MCF2L: variants seen among roughly 807,000 people sequenced by gnomAD.
The protein encoded by MCF2L is guanine nucleotide exchange factor DBS.
A neutral mutation model predicts 153.4 loss-of-function variants in MCF2L; 97 were observed. That is an observed-to-expected ratio of 0.63 (90% CI 0.54 to 0.75). MCF2L has a LOEUF of 0.75. MCF2L is among the 30% of genes least tolerant of loss of function. The pLI is 0.00. For synonymous variants in MCF2L, 659 were observed against 632.2 expected, an observed-to-expected ratio of 1.04 and a Z score of -0.64; for missense variants, 1,347 against 1,495.2, an observed-to-expected ratio of 0.90 and a Z score of 1.64.
In MCF2L at chr13:113,060,179, GT is replaced by G. The variant is rs1440550430; in HGVS notation, c.370-413del. On this transcript the variant is annotated intron_variant, in intron 4 of 29. Transcript: ENST00000535094. The stretch of plus-strand genomic sequence containing the variant: ...AAATTCTCTGGGAGCTCTCCACGCG[GT>G]GCTGGGATCAGGGCCTGCCCTAATG... Among the ~76,000 whole-genome samples, 3 of 152,174 alleles carry G rather than the reference GT, an allele frequency of 2.0e-5. No homozygotes were observed. In the East Asian group the frequency reaches 5.8e-4, roughly 29 times the overall value.
rs965533304 is a variant in MCF2L at position 112,919,356 on chromosome 13, C to T, written c.169+16985C>T. On this transcript the variant is annotated intron_variant, in intron 2 of 29. Transcript: ENST00000375608. The stretch of plus-strand genomic sequence containing the variant: ...AAGTAGCTGGGACTACAGGCGCCCG[C>T]CACTACGCCCGGCTAATTTTTTGTA... Among the ~76,000 whole-genome samples, 165 of 151,352 alleles carry T rather than the reference C, an allele frequency of 1.1e-3. 1 individual carries two copies. Among genetic ancestry groups the T allele is most frequent in the African/African-American group, 3.9e-3 (160 of 41,254 alleles).
At chr13:113,021,435 C>G (rs973011309) in intron 2 of MCF2L, among the ~76,000 whole-genome samples, 1 of 152,142 alleles carries the variant, frequency 6.6e-6, no homozygotes, top group Non-Finnish European at 1.5e-5. Context: ...TGCTTGGGTG[C>G]GAGAGTTCAC....
intron 2 of MCF2L, among the ~76,000 whole-genome samples, chr13:112,929,904 T>C (rs2081444589): frequency 6.6e-6 from 1 of 152,224 alleles, no homozygotes; most frequent in Admixed American, 6.5e-5. Flanking sequence ...TTTGTGACGT[T>C]CATTCTTCCC....
At chr13:112,896,330 A>G (rs1224199909) in intron 1 of MCF2L, among the ~76,000 whole-genome samples, 1 of 151,738 alleles carries the variant, frequency 6.6e-6, no homozygotes, top group African/African-American at 2.4e-5. Flanking sequence ...GGGTGGTCCC[A>G]GTCACCTCTG....
chr13:113,001,115 G>A (rs566966603), intron 1 of MCF2L, among the ~76,000 whole-genome samples: 8 of 152,276 alleles, frequency 5.3e-5, no homozygotes, highest in Non-Finnish European at 7.3e-5. Context: ...CCAGGGCAGC[G>A]GTTAGGAGCC....
At chr13:112,894,973 C>T (rs1212126184) in intron 1 of MCF2L, among the ~76,000 whole-genome samples, 1 of 152,028 alleles carries the variant, frequency 6.6e-6, no homozygotes, top group African/African-American at 2.4e-5. Flanking sequence ...AGCCTGGGGT[C>T]GGGCCCACAT....
At chr13:112,987,593 G>A (rs1233851659) in intron 1 of MCF2L, among the ~76,000 whole-genome samples, 1 of 152,078 alleles carries the variant, frequency 6.6e-6, no homozygotes, top group South Asian at 2.1e-4. Context: ...CTCGGCCTGC[G>A]CTGCATGCAA....
At chr13:113,005,411 T>TGGG (rs1459418740) in intron 1 of MCF2L, among the ~76,000 whole-genome samples, 1 of 152,138 alleles carries the variant, frequency 6.6e-6, no homozygotes, top group Non-Finnish European at 1.5e-5. Flanking sequence ...GAATGAAGTC[T>TGGG]GGGGGTCTGT....
intron 14 of MCF2L, 80 bp downstream of exon 14, chr13:113,078,516 C>T: frequency 1.4e-6 from 2 of 1,413,256 alleles, no homozygotes; most frequent in Non-Finnish European, 2.0e-6. Context: ...GTGTGGCCCC[C>T]CCTCCCGGGC....
At chr13:112,968,843 C>T, upstream of MCF2L, 1 of 1,192,714 alleles carries the variant, frequency 8.4e-7, no homozygotes, top group Non-Finnish European at 1.1e-6. Context: ...AGGGCGGGGG[C>T]ACTTGTGCGG....
intron 2 of MCF2L, among the ~76,000 whole-genome samples, chr13:112,949,802 G>A (rs2081673647): frequency 1.3e-5 from 2 of 152,070 alleles, no homozygotes; most frequent in South Asian, 4.1e-4. Flanking sequence ...ACTAAATGGT[G>A]AAAACTATAT....
At chr13:112,990,697 A>G (rs1454955447) in intron 1 of MCF2L, among the ~76,000 whole-genome samples, 1 of 152,244 alleles carries the variant, frequency 6.6e-6, no homozygotes, top group Admixed American at 6.5e-5. Flanking sequence ...AAGATGACAA[A>G]GGTCCCAGGG....
intron 1 of MCF2L, among the ~76,000 whole-genome samples, chr13:112,990,131 G>C (rs1023130907): frequency 6.6e-6 from 1 of 152,294 alleles, no homozygotes; most frequent in Non-Finnish European, 1.5e-5. Flanking sequence ...GACCAGTACC[G>C]GTCTGTGGCT....
At position 113,097,023 on chromosome 13, in the gene MCF2L, G is replaced by A; in HGVS notation, c.*164G>A. 2 of 429,860 alleles carry A rather than the reference G, an allele frequency of 4.7e-6. No homozygotes were observed. Among genetic ancestry groups the A allele is most frequent in the Non-Finnish European group, 7.8e-6 (2 of 256,700 alleles). 26.6% of individuals were successfully genotyped at this position (429,860 alleles called of 1,614,324 possible). ...CCTCCGGGGCAGAGGCAGGTTCCAC[G>A]GAAGACCCCGGCCCGCTGGGGCTTC... On this transcript the variant is annotated 3_prime_UTR_variant, in exon 30 of 30. Coordinates refer to ENST00000535094, the MANE Select transcript of MCF2L (RefSeq NM_001112732.3).
chr13:112,996,758 C>T (rs1430477108), intron 1 of MCF2L, among the ~76,000 whole-genome samples: 1 of 152,196 alleles, frequency 6.6e-6, no homozygotes, highest in Non-Finnish European at 1.5e-5. Context: ...TGGGTGGAGA[C>T]CTGGTGCCGC....
intron 1 of MCF2L, among the ~76,000 whole-genome samples, chr13:112,972,085 C>T (rs1454477986): frequency 1.3e-5 from 2 of 152,332 alleles, no homozygotes; most frequent in East Asian, 1.9e-4. Context: ...TGAAGTTCTT[C>T]AGGAATCAAA....
At chr13:112,896,423 C>G (rs1036530396) in intron 1 of MCF2L, among the ~76,000 whole-genome samples, 5 of 151,932 alleles carry the variant, frequency 3.3e-5, no homozygotes, top group Non-Finnish European at 7.3e-5. Context: ...GGAAAGGCAG[C>G]CTCTTGGTGA....
At chr13:112,912,037 T>C (rs1018129604) in intron 2 of MCF2L, among the ~76,000 whole-genome samples, 6 of 152,036 alleles carry the variant, frequency 3.9e-5, no homozygotes, top group Admixed American at 1.3e-4. Flanking sequence ...TCACCAAGAG[T>C]CACGTGGCTG....
chr13:113,046,622 G>A lies in MCF2L; in HGVS notation c.369+1261G>A, dbSNP rs1481989716. On this transcript the variant is annotated intron_variant, in intron 4 of 29. Transcript: ENST00000535094. The surrounding 1 kb of genome is among the most constrained non-coding windows in gnomAD (Gnocchi z 4.4). ...GAATTAGAGGCCCCATATCTGCTCCGATGCCCACAACCTTCATCGTTTTGG... is the reference window on the plus strand; with the variant it reads ...GAATTAGAGGCCCCATATCTGCTCCAATGCCCACAACCTTCATCGTTTTGG... The A allele has an allele frequency of 2.4e-5, 13 of 533,056 alleles. No individual in the cohort carries two copies. The highest frequency in any genetic ancestry group is 4.2e-5 in the Non-Finnish European group (11 of 259,898). 33.0% of individuals were successfully genotyped at this position (533,056 alleles called of 1,614,324 possible).
Sources: allele counts gnomAD v4.1 joint callset (sites outside exome capture counted in the v4.1 genomes callset), GRCh38; gene constraint gnomAD v4.1.1; non-coding constraint Gnocchi (gnomAD v3.1); transcripts MANE v1.5; gene names NCBI Gene and HGNC (gene_info 2026-07-23, HGNC 2026-07-21).